The following ARMCX4 variants were observed in gnomAD, a reference collection of about 807,000 sequenced individuals.
The protein encoded by ARMCX4 is armadillo repeat containing X-linked 4.
Under a neutral mutation model 34.7 loss-of-function variants are expected in ARMCX4, and 3 were observed. The observed-to-expected ratio is 0.09, with a 90% CI of 0.04 to 0.22. The LOEUF is 0.22. Among genes scored for constraint, ARMCX4 ranks in the 10% least tolerant of loss-of-function variants. The pLI is 1.00. For synonymous variants in ARMCX4, 513 were observed against 632.8 expected, an observed-to-expected ratio of 0.81 and a Z score of 2.84; for missense variants, 1,448 against 1,720.8, an observed-to-expected ratio of 0.84 and a Z score of 2.81.
chrX:101,488,934 T>A lies in ARMCX4; in HGVS notation c.345T>A (p.Ser115=), dbSNP rs1014378797. ...TTGGGGCAGAGCCAGAGACTCAATCTGAGTCCAAAGTGGTGGCTGGAACAC... is the reference window on the plus strand; with the variant it reads ...TTGGGGCAGAGCCAGAGACTCAATCAGAGTCCAAAGTGGTGGCTGGAACAC... ...AMVGAEPETQ[S]ESKVVAGTLV... Residue 115 remains serine, a synonymous_variant, in exon 6 of 6, where the codon TCT becomes TCA. Coordinates refer to ENST00000423738, the MANE Select transcript of ARMCX4 (RefSeq NM_001256155.3). The A allele has an allele frequency of 2.4e-5, 28 of 1,154,765 alleles. No individual in the cohort carries two copies. Among genetic ancestry groups the A allele is most frequent in the Non-Finnish European group, 2.6e-5 (23 of 872,874 alleles).
intron 11 of ARMCX4, among the ~76,000 whole-genome samples, chrX:101,515,381 T>TTCTTTCTTTCTTTCCTTCTTTCTTTC (rs782141206): frequency 8.1e-5 from 1 of 12,272 alleles, no homozygotes; most frequent in Non-Finnish European, 1.3e-4. Flanking sequence ...CTTTCTTTCT[T>TTCTTTCTTTCTTTCCTTCTTTCTTTC]TTTCTTTCTT....
chrX:101,445,407 G>A (rs1555997786), intron 3 of ARMCX4, among the ~76,000 whole-genome samples: 1 of 111,605 alleles, frequency 9.0e-6, no homozygotes, highest in African/African-American at 3.3e-5. Context: ...CAATGCTTTA[G>A]CATGCTAGGG....
At chrX:101,433,931 C>G (rs1338744627) in intron 2 of ARMCX4, among the ~76,000 whole-genome samples, 2 of 109,382 alleles carry the variant, frequency 1.8e-5, no homozygotes, top group Non-Finnish European at 3.8e-5. Flanking sequence ...AAGAAGATAT[C>G]TTGGGTGGTT....
downstream of ARMCX4, among the ~76,000 whole-genome samples, chrX:101,448,912 CT>C (rs3060590): frequency 9.3e-4 from 67 of 71,781 alleles, 1 homozygote; most frequent in African/African-American, 2.3e-3. Flanking sequence ...CTTTTCTTTC[CT>C]TTTTTTTTTT....
In ARMCX4 at chrX:101,491,177, A is replaced by G; in HGVS notation, c.2588A>G (p.Asp863Gly). The G allele has an allele frequency of 8.7e-7, 1 of 1,155,003 alleles. No homozygotes were observed. Among genetic ancestry groups the G allele is most frequent in the Non-Finnish European group, 1.1e-6 (1 of 872,790 alleles). ...NVVSKAGARE[D>G]TVGSTQPQVL... Reference sequence around the variant, plus strand: ...GTGTCTAAGGCAGGGGCCAGAGAAGATACAGTGGGCTCTACCCAGCCTCAG... The same window carrying G: ...GTGTCTAAGGCAGGGGCCAGAGAAGGTACAGTGGGCTCTACCCAGCCTCAG... Residue 863 changes from aspartate (D) to glycine (G), a missense_variant, in exon 6 of 6, where the codon GAT (aspartate) becomes GGT (glycine). By Grantham distance (94) the Asp-to-Gly change is moderately conservative (BLOSUM62 -1). Around this residue, in one of 2 missense-constraint regions of ARMCX4, gnomAD observed 1,343 missense variants for 1,540.7 expected, o/e 0.87. Transcript: ENST00000423738.
In ARMCX4 at chrX:101,490,225, A is replaced by G; in HGVS notation, c.1636A>G (p.Thr546Ala). ...CKTGPGMDMK[T>A]CTQPQAGVKT... ...GACAGGGCCTGGGATGGACATGAAA[A>G]CCTGTACACAACCTCAGGCTGGGGT... is the stretch of plus-strand genomic sequence containing the variant. Residue 546 changes from threonine to alanine, a missense_variant, in exon 6 of 6, where the codon ACC becomes GCC. Physicochemically the swap from Thr to Ala is moderately conservative, Grantham distance 58. Around this residue, in one of 2 missense-constraint regions of ARMCX4, gnomAD observed 1,343 missense variants for 1,540.7 expected, o/e 0.87. Coordinates refer to ENST00000423738, the MANE Select transcript of ARMCX4 (RefSeq NM_001256155.3). 3.5e-6 allele frequency: 4 copies of G among 1,153,873 alleles called. No individual in the cohort carries two copies. Among genetic ancestry groups the G allele is most frequent in the Non-Finnish European group, 4.6e-6 (4 of 872,285 alleles).
At chrX:101,467,657 T>A (rs1179180882) in intron 4 of ARMCX4, among the ~76,000 whole-genome samples, 2 of 111,979 alleles carry the variant, frequency 1.8e-5, no homozygotes, top group Non-Finnish European at 3.8e-5. Flanking sequence ...CTGAATCAAT[T>A]ATTTCATGGT....
chrX:101,433,047 T>A (rs968589888), intron 2 of ARMCX4, among the ~76,000 whole-genome samples: 1 of 108,756 alleles, frequency 9.2e-6, no homozygotes, highest in African/African-American at 3.3e-5. Context: ...TATACACACA[T>A]ATGTATACAT....
downstream of ARMCX4, chrX:101,447,850 G>GA (rs1483860546): frequency 9.0e-6 from 1 of 111,119 alleles, no homozygotes; most frequent in Non-Finnish European, 1.9e-5. Flanking sequence ...GGTCCAGTTA[G>GA]ACTCTTTTAG....
Position 101,491,189 on chromosome X carries a change from C to T in ARMCX4, c.2600C>T (p.Ser867Phe). 1 of 1,156,193 alleles carries T rather than the reference C, an allele frequency of 8.6e-7. No individual in the cohort carries two copies. Among genetic ancestry groups the T allele is most frequent in the Non-Finnish European group, 1.1e-6 (1 of 873,032 alleles). ...KAGAREDTVG[S>F]TQPQVLASSQ... ...GGGGCCAGAGAAGATACAGTGGGCT[C>T]TACCCAGCCTCAGGTTTTGGCCAGC... Residue 867 changes from serine to phenylalanine, a missense_variant, in exon 6 of 6, where the codon TCT becomes TTT. Coordinates refer to ENST00000423738, the MANE Select transcript of ARMCX4 (RefSeq NM_001256155.3).
chrX:101,487,390 C>T (rs1933787035), intron 3 of ARMCX4, 118 bp downstream of exon 3: 1 of 188,488 alleles, frequency 5.3e-6, no homozygotes, highest in African/African-American at 3.3e-5. Flanking sequence ...GCCATGCCTC[C>T]TGTGGATTTC....
chrX:101,469,828 A>AC (rs2147622212), intron 4 of ARMCX4, among the ~76,000 whole-genome samples: 1 of 111,461 alleles, frequency 9.0e-6, no homozygotes, highest in African/African-American at 3.3e-5. Context: ...TTTCCATAAG[A>AC]CATGCCCACC....
At position 101,494,838 on chromosome X, in the gene ARMCX4, T is replaced by C; in HGVS notation, c.6249T>C (p.Gly2083=). ...CTCATGAAGTTGTTCGTAATGTAGG[T>C]GGAATTTCAGTTATTGAAAGCTTGC... The part of the protein sequence containing the change: ...SYSHEVVRNV[G]GISVIESLLN... The change falls in exon 6 of 6, where the codon GGT becomes GGC. Residue 2083 remains glycine, a synonymous_variant. Transcript: ENST00000423738. 8 of 1,154,869 alleles carry C rather than the reference T, an allele frequency of 6.9e-6. No homozygotes were observed. Among genetic ancestry groups the C allele is most frequent in the Non-Finnish European group, 6.9e-6 (6 of 871,834 alleles).
chrX:101,456,588 A>G (rs781916985), intron 4 of ARMCX4, among the ~76,000 whole-genome samples: 14 of 111,568 alleles, frequency 1.3e-4, no homozygotes, highest in Non-Finnish European at 2.4e-4. Flanking sequence ...AAACCTACAT[A>G]AAAATAGAGT....
At chrX:101,506,805 A>G (rs1407850337) in intron 8 of ARMCX4, among the ~76,000 whole-genome samples, 3 of 111,153 alleles carry the variant, frequency 2.7e-5, no homozygotes, top group Non-Finnish European at 5.7e-5. Flanking sequence ...TGTAATTTTC[A>G]TAGTTATAGG....
At chrX:101,432,405 G>A (rs1022724421) in intron 2 of ARMCX4, among the ~76,000 whole-genome samples, 2 of 111,667 alleles carry the variant, frequency 1.8e-5, no homozygotes, top group African/African-American at 6.5e-5. Context: ...GCTCATGCCT[G>A]TAATCCCAGC....
Position 101,489,164 on chromosome X carries a change from C to G in ARMCX4, c.575C>G (p.Thr192Ser), listed in dbSNP as rs781859156. The G allele has an allele frequency of 8.6e-7, 1 of 1,156,069 alleles. No individual in the cohort carries two copies. The highest frequency in any genetic ancestry group is 1.9e-5 in the South Asian group (1 of 52,745). ...REAMTQTKAE[T>S]HILAEKETEI... ...GCAATGACCCAGACCAAAGCTGAAA[C>G]TCATATATTGGCTGAAAAAGAGACA... Residue 192 changes from threonine to serine, a missense_variant, in exon 6 of 6, where the codon ACT (threonine) becomes AGT (serine). Physicochemically the swap from Thr to Ser is moderately conservative, Grantham distance 58 (BLOSUM62 1). Around this residue, in one of 2 missense-constraint regions of ARMCX4, gnomAD observed 1,343 missense variants for 1,540.7 expected, o/e 0.87. Coordinates refer to ENST00000423738, the MANE Select transcript of ARMCX4 (RefSeq NM_001256155.3).
intron 2 of ARMCX4, among the ~76,000 whole-genome samples, chrX:101,420,535 A>G (rs1394233238): frequency 9.0e-6 from 1 of 111,668 alleles, no homozygotes; most frequent in Non-Finnish European, 1.9e-5. Flanking sequence ...AATGAGGACA[A>G]GTATCATGAA....
At chrX:101,471,514 T>C (rs1360564836) in intron 4 of ARMCX4, among the ~76,000 whole-genome samples, 1 of 112,195 alleles carries the variant, frequency 8.9e-6, no homozygotes, top group Non-Finnish European at 1.9e-5. Flanking sequence ...TGGAACAGGC[T>C]ATCAGATTTA....
Sources: allele counts gnomAD v4.1 joint callset (sites outside exome capture counted in the v4.1 genomes callset), GRCh38; gene constraint gnomAD v4.1.1; regional missense constraint gnomAD v4.1.1; transcripts MANE v1.5; gene names NCBI Gene and HGNC (gene_info 2026-07-23, HGNC 2026-07-21).